The following CCSER1 variants were observed in gnomAD, a reference collection of about 807,000 sequenced individuals.
CCSER1 encodes the protein serine-rich coiled-coil domain-containing protein 1.
CCSER1 carries 41 observed loss-of-function variants against 82.0 expected under a neutral mutation model. The observed-to-expected ratio is 0.50, with a 90% confidence interval of 0.39 to 0.65. The LOEUF (loss-of-function observed/expected upper bound fraction) is 0.65. Among genes scored for constraint, CCSER1 ranks in the 30% least tolerant of loss-of-function variants. CCSER1 has a pLI of 0.00. For synonymous variants in CCSER1, 414 were observed against 383.9 expected (o/e 1.08, Z -0.92); for missense variants, 1,119 against 1,064.2 (o/e 1.05, Z -0.72).
intron 1 of CCSER1, among the ~76,000 whole-genome samples, chr4:90,275,090 A>G (rs751388379): frequency 2.0e-5 from 3 of 152,162 alleles, no homozygotes; most frequent in African/African-American, 4.8e-5. Context: ...GAAAATTGCT[A>G]TGGTGACAAA....
At chr4:90,339,528 T>C (rs948849254) in intron 3 of CCSER1, among the ~76,000 whole-genome samples, 2 of 152,186 alleles carry the variant, frequency 1.3e-5, no homozygotes, top group South Asian at 2.1e-4. Context: ...CCTATTATTT[T>C]ACCTTCCTTT....
intron 3 of CCSER1, among the ~76,000 whole-genome samples, chr4:90,377,362 A>G (rs573106911): frequency 1.3e-5 from 2 of 152,318 alleles, no homozygotes; most frequent in South Asian, 2.1e-4. Flanking sequence ...ATTTAGCTCC[A>G]TAAAATGCAT....
At chr4:90,618,957 A>G (rs1322991319) in intron 5 of CCSER1, among the ~76,000 whole-genome samples, 1 of 151,930 alleles carries the variant, frequency 6.6e-6, no homozygotes, top group Non-Finnish European at 1.5e-5. Flanking sequence ...AGCCAAAAAT[A>G]CTTAACCCAT....
At chr4:91,549,929 T>C (rs1424289036) in intron 10 of CCSER1, among the ~76,000 whole-genome samples, 1 of 151,964 alleles carries the variant, frequency 6.6e-6, no homozygotes, top group Non-Finnish European at 1.5e-5. Flanking sequence ...TTGCTGCTTT[T>C]TTTTTTTCCT....
At chr4:91,100,279 CAA>C (rs1247062187) in intron 10 of CCSER1, among the ~76,000 whole-genome samples, 1 of 152,028 alleles carries the variant, frequency 6.6e-6, no homozygotes, top group Non-Finnish European at 1.5e-5. Context: ...GTTCCTGTTT[CAA>C]AAGTTTGTTG....
chr4:90,360,691 C>T (rs1349892980), intron 3 of CCSER1, among the ~76,000 whole-genome samples: 1 of 151,294 alleles, frequency 6.6e-6, no homozygotes, highest in Non-Finnish European at 1.5e-5. Flanking sequence ...GTTTAAGAGT[C>T]CATTCTGCAG....
chr4:90,408,724 C>T (rs1205663909), intron 4 of CCSER1, among the ~76,000 whole-genome samples: 1 of 152,178 alleles, frequency 6.6e-6, no homozygotes, highest in African/African-American at 2.4e-5. Context: ...AATCAGAGCA[C>T]CTCTCCTCCT....
intron 1 of CCSER1, among the ~76,000 whole-genome samples, chr4:90,182,010 C>T (rs762499501): frequency 1.1e-4 from 17 of 151,856 alleles, no homozygotes; most frequent in Non-Finnish European, 2.2e-4. Context: ...GTTAGTTGTA[C>T]GTAGAGGCTG....
chr4:91,283,507 A>T (rs73835115), intron 10 of CCSER1, among the ~76,000 whole-genome samples: 3,422 of 152,156 alleles, frequency 0.022, 135 homozygotes, highest in African/African-American at 0.076. Context: ...CCACTTCATA[A>T]ATATCATGTG....
At chr4:90,433,561 C>A (rs895159508) in intron 4 of CCSER1, among the ~76,000 whole-genome samples, 1 of 152,002 alleles carries the variant, frequency 6.6e-6, no homozygotes, top group Non-Finnish European at 1.5e-5. Context: ...ATAATGACAG[C>A]AGTACCATCA....
At chr4:90,299,612 C>T (rs574547612) in intron 1 of CCSER1, among the ~76,000 whole-genome samples, 12 of 152,102 alleles carry the variant, frequency 7.9e-5, no homozygotes, top group African/African-American at 2.6e-4. Context: ...AAGTGGCTTT[C>T]GTCATTGTTG....
chr4:90,302,035 A>G lies in CCSER1; in HGVS notation c.-41-6209A>G, dbSNP rs541804449. Among the ~76,000 whole-genome samples, 18 of 152,270 alleles carry G rather than the reference A, an allele frequency of 1.2e-4. No individual in the cohort carries two copies. The South Asian group carries it at 2.9e-3, about 25-fold the overall frequency. On this transcript the variant is annotated intron_variant, in intron 1 of 10. Transcript: ENST00000509176. The stretch of plus-strand genomic sequence containing the variant: ...ACTTTTAATAAATATGCATCTCTAA[A>G]AGTTGTAATTTAGCATAATTACCCT...
intron 10 of CCSER1, among the ~76,000 whole-genome samples, chr4:91,389,037 G>A (rs1751487053): frequency 6.6e-6 from 1 of 151,920 alleles, no homozygotes; most frequent in Admixed American, 6.6e-5. Context: ...TTGTGGCTTG[G>A]CTTCCAATTC....
At chr4:90,405,071 G>A (rs1366003458) in intron 4 of CCSER1, among the ~76,000 whole-genome samples, 1 of 149,836 alleles carries the variant, frequency 6.7e-6, no homozygotes, top group Non-Finnish European at 1.5e-5. Context: ...AATGAAGGAG[G>A]CACCAGAGAA....
intron 10 of CCSER1, among the ~76,000 whole-genome samples, chr4:91,441,977 C>T (rs77236184): frequency 9.9e-5 from 15 of 152,276 alleles, no homozygotes; most frequent in African/African-American, 3.6e-4. Flanking sequence ...AAAGAGAATA[C>T]AAACAAATGG....
At chr4:90,425,521 C>T (rs1034803071) in intron 4 of CCSER1, among the ~76,000 whole-genome samples, 1 of 152,144 alleles carries the variant, frequency 6.6e-6, no homozygotes, top group Non-Finnish European at 1.5e-5. Context: ...CCCAAAGGCA[C>T]AGTCTCCGCC....
intron 4 of CCSER1, among the ~76,000 whole-genome samples, chr4:90,418,214 C>A (rs943844767): frequency 6.6e-6 from 1 of 152,132 alleles, no homozygotes; most frequent in African/African-American, 2.4e-5. Context: ...AATATGCAAT[C>A]TCATGTCCAG....
intron 1 of CCSER1, among the ~76,000 whole-genome samples, chr4:90,242,790 G>A (rs1450324614): frequency 6.6e-6 from 1 of 152,146 alleles, no homozygotes; most frequent in African/African-American, 2.4e-5. Context: ...AATTATTCAG[G>A]ACCTGTTGTA....
intron 1 of CCSER1, among the ~76,000 whole-genome samples, chr4:90,229,446 G>T (rs1743972521): frequency 6.6e-6 from 1 of 152,070 alleles, no homozygotes; most frequent in African/African-American, 2.4e-5. Context: ...CACGAGGCCT[G>T]CCCTAAAAGT....
Sources: allele counts gnomAD v4.1 joint callset (sites outside exome capture counted in the v4.1 genomes callset), GRCh38; gene constraint gnomAD v4.1.1; transcripts MANE v1.5; gene names NCBI Gene and HGNC (gene_info 2026-07-23, HGNC 2026-07-21).